The following MRPS9 variants were observed in gnomAD, a reference collection of about 807,000 sequenced individuals.
MRPS9 encodes the protein small ribosomal subunit protein uS9m.
Under a neutral mutation model 59.9 loss-of-function variants are expected in MRPS9, and 45 were observed. The ratio of observed to expected loss-of-function variants is 0.75; its 90% CI spans 0.59 to 0.96. The LOEUF (loss-of-function observed/expected upper bound fraction) is 0.96, where lower values mean the gene tolerates loss of function less well. Ranked by LOEUF, MRPS9 falls within the 40% of genes least tolerant of loss-of-function variation. The probability of loss-of-function intolerance (pLI) is 0.00; values close to 1 mark genes in which losing one functional copy is unlikely to be tolerated. For synonymous variants in MRPS9, 171 were observed against 166.8 expected, an observed-to-expected ratio of 1.03 and a Z score of -0.19; for missense variants, 473 against 481.1, an observed-to-expected ratio of 0.98 and a Z score of 0.16.
At chr2:105,042,226 A>C (rs1194841726) in intron 1 of MRPS9, among the ~76,000 whole-genome samples, 1 of 152,192 alleles carries the variant, frequency 6.6e-6, no homozygotes. Context: ...AGTCATCTCA[A>C]GGCTCCACTG....
chr2:105,091,071 C>T (rs1463190030), intron 7 of MRPS9, among the ~76,000 whole-genome samples: 2 of 152,018 alleles, frequency 1.3e-5, no homozygotes, highest in African/African-American at 4.8e-5. Context: ...TTTCTGGCTG[C>T]TTTGATTTTT....
At chr2:105,058,312 T>A (rs1679831153) in intron 2 of MRPS9, among the ~76,000 whole-genome samples, 1 of 152,186 alleles carries the variant, frequency 6.6e-6, no homozygotes, top group African/African-American at 2.4e-5. Context: ...AGATGACATT[T>A]AGGTAAGTCA....
rs980794874 is a variant in MRPS9, at chr2:105,049,107, A to G, written c.136-64A>G. Reference sequence around the variant, plus strand: ...CTTGCATATACTATTTTATTTAAGGACAATGGCCTAGAAGATCACAGTTTA... The same window carrying G: ...CTTGCATATACTATTTTATTTAAGGGCAATGGCCTAGAAGATCACAGTTTA... On this transcript the variant is annotated intron_variant, in intron 1 of 10. Coordinates refer to ENST00000258455, the MANE Select transcript of MRPS9 (RefSeq NM_182640.3). 119 of 1,116,032 alleles carry G rather than the reference A, an allele frequency of 1.1e-4. 1 individual carries two copies. The highest frequency in any genetic ancestry group is 5.9e-5 in the Non-Finnish European group (46 of 773,740). The allele number at this position is 1,116,032 out of a possible 1,614,324, so 69.1% of individuals were successfully genotyped here.
intron 2 of MRPS9, among the ~76,000 whole-genome samples, chr2:105,062,150 ACTCT>A (rs371481070): frequency 6.6e-6 from 1 of 150,910 alleles, no homozygotes; most frequent in Middle Eastern, 3.2e-3. Context: ...ACACACACAC[ACTCT>A]CTCTGTCTGT....
chr2:105,079,976 A>G lies in MRPS9; in HGVS notation c.410-7A>G. 2 of 1,608,022 alleles carry G rather than the reference A, an allele frequency of 1.2e-6. No homozygotes were observed. Among genetic ancestry groups the G allele is most frequent in the Admixed American group, 1.7e-5 (1 of 59,098 alleles). On this transcript the variant is annotated splice_region_variant and splice_polypyrimidine_tract_variant and intron_variant, in intron 4 of 10. Coordinates refer to ENST00000258455, the MANE Select transcript of MRPS9 (RefSeq NM_182640.3). ...TTATTTGCTTTCATCTGGCTTTTTT[A>G]AATCAGCAATCCAGTGGGGAGAAGA...
chr2:105,095,496 T>C (rs904709361), intron 9 of MRPS9, among the ~76,000 whole-genome samples: 6 of 151,348 alleles, frequency 4.0e-5, no homozygotes, highest in Non-Finnish European at 8.8e-5. Flanking sequence ...CATTTTTTTT[T>C]TCTTTTTTTT....
intron 2 of MRPS9, among the ~76,000 whole-genome samples, chr2:105,052,872 T>G (rs915426020): frequency 1.3e-5 from 2 of 152,200 alleles, no homozygotes; most frequent in Non-Finnish European, 2.9e-5. Flanking sequence ...ATTACCCAAT[T>G]GAGTTTACTA....
intron 2 of MRPS9, among the ~76,000 whole-genome samples, chr2:105,070,124 T>G (rs577797040): frequency 6.6e-6 from 1 of 152,182 alleles, no homozygotes; most frequent in South Asian, 2.1e-4. Flanking sequence ...ATGTTTGATC[T>G]AAGTTTTTTA....
chr2:105,043,903 G>A (rs1009344256), intron 1 of MRPS9, among the ~76,000 whole-genome samples: 1 of 150,332 alleles, frequency 6.7e-6, no homozygotes, highest in Non-Finnish European at 1.5e-5. Context: ...GAAGTGCTGG[G>A]ATTACAGGCG....
At chr2:105,069,211 A>T (rs1174887089) in intron 2 of MRPS9, among the ~76,000 whole-genome samples, 3 of 125,884 alleles carry the variant, frequency 2.4e-5, no homozygotes, top group Non-Finnish European at 4.8e-5. Flanking sequence ...TTAATTGGTC[A>T]ATCTTTTTTT....
chr2:105,057,285 G>T (rs1228541182), intron 2 of MRPS9, among the ~76,000 whole-genome samples: 6 of 152,166 alleles, frequency 3.9e-5, no homozygotes, highest in Admixed American at 3.9e-4. Flanking sequence ...TACTTTAAAT[G>T]CAGGCTAAAT....
Position 105,038,135 on chromosome 2 carries a change from C to T in MRPS9, c.43C>T (p.Arg15Trp), listed in dbSNP as rs747044047. The T allele has an allele frequency of 3.1e-6, 5 of 1,613,904 alleles. No homozygotes were observed. The East Asian group carries it at 8.9e-5, about 29-fold the overall frequency. ...CVSYGGAVSY[R>W]LLLWGRGSLA... ...GTCCTACGGCGGAGCAGTTTCGTAC[C>T]GGCTTCTTCTCTGGGGTAGGGGTAG... Residue 15 changes from arginine (R) to tryptophan (W), a missense_variant, in exon 1 of 11, where the codon CGG becomes TGG. By Grantham distance (101) the Arg-to-Trp change is moderately radical. Transcript: ENST00000258455.
At chr2:105,079,873 A>ATTTTTT in intron 4 of MRPS9, 110 bp from the exon 5 acceptor site, 1 of 572,628 alleles carries the variant, frequency 1.7e-6, no homozygotes. Context: ...ATTTTTTTGT[A>ATTTTTT]TTTTTTATTA....
At chr2:105,070,938 C>T (rs59252045) in intron 2 of MRPS9, among the ~76,000 whole-genome samples, 30,205 of 152,128 alleles carry the variant, frequency 0.2, 3,126 homozygotes, top group Middle Eastern at 0.35. Flanking sequence ...AGAGCCTGCT[C>T]TTTGCAGCCT....
rs1193943288 is a variant in MRPS9, at chr2:105,097,308, C to T, written c.1083C>T (p.Val361=). The change falls in exon 10 of 11, where the codon GTC becomes GTT. Residue 361 remains valine, a synonymous_variant. Coordinates refer to ENST00000258455, the MANE Select transcript of MRPS9 (RefSeq NM_182640.3). The part of the protein sequence containing the change: ...ALCSFVTEDE[V]EWMRQAGLLT... ...GCAGCTTTGTCACCGAGGACGAGGT[C>T]GAGTGGATGAGACAAGGTATGAGTC... The T allele has an allele frequency of 2.5e-6, 4 of 1,605,676 alleles. No homozygotes were observed. The highest frequency in any genetic ancestry group is 1.7e-5 in the Admixed American group (1 of 58,872).
chr2:105,074,917 A>G (rs926442624), intron 4 of MRPS9, among the ~76,000 whole-genome samples: 18 of 152,200 alleles, frequency 1.2e-4, no homozygotes, highest in African/African-American at 4.1e-4. Flanking sequence ...CAAGCTCATT[A>G]CATTTATTGT....
chr2:105,079,120 A>G (rs1285009782), intron 4 of MRPS9, among the ~76,000 whole-genome samples: 1 of 152,236 alleles, frequency 6.6e-6, no homozygotes, highest in East Asian at 1.9e-4. Context: ...ATGCTGCCGT[A>G]GAGGAAAAGC....
intron 1 of MRPS9, chr2:105,038,591 GA>G (rs1558747902): frequency 5.1e-6 from 1 of 196,230 alleles, no homozygotes; most frequent in Non-Finnish European, 1.0e-5. Flanking sequence ...AGAGAAGAAT[GA>G]TGGGAATTGG....
chr2:105,077,199 T>A (rs903993741), intron 4 of MRPS9, among the ~76,000 whole-genome samples: 2 of 146,518 alleles, frequency 1.4e-5, no homozygotes, highest in Admixed American at 7.2e-5. Context: ...GAGCCAAGAT[T>A]GTGCCACTGC....
Sources: gnomAD v4.1 joint callset for allele counts (sites outside exome capture counted in the v4.1 genomes callset) on GRCh38, gnomAD v4.1.1 for gene constraint, MANE v1.5 for transcripts, NCBI Gene and HGNC (gene_info 2026-07-23, HGNC 2026-07-21) for gene names.